PCDHGA2: variants seen among roughly 807,000 people sequenced by gnomAD.
The protein encoded by PCDHGA2 is protocadherin gamma subfamily A, 2.
PCDHGA2 carries 40 observed loss-of-function variants against 59.2 expected under a neutral mutation model. That is an observed-to-expected ratio of 0.68 (90% confidence interval 0.52 to 0.88). The LOEUF is 0.88. Among genes scored for constraint, PCDHGA2 ranks in the 40% least tolerant of loss-of-function variants. The probability of loss-of-function intolerance (pLI) is 0.00; values close to 1 mark genes in which losing one functional copy is unlikely to be tolerated. For synonymous variants in PCDHGA2, 560 were observed against 526.0 expected, an observed-to-expected ratio of 1.06 and a Z score of -0.89; for missense variants, 1,226 against 1,204.0, an observed-to-expected ratio of 1.02 and a Z score of -0.27.
chr5:141,365,285 G>T (rs1215849562), intron 1 of PCDHGA2: 2 of 1,613,898 alleles, frequency 1.2e-6, no homozygotes, highest in South Asian at 1.1e-5. Flanking sequence ...CCTCATGGAA[G>T]TGGTAGCTCA....
chr5:141,355,737 C>T, intron 1 of PCDHGA2: 1 of 1,613,966 alleles, frequency 6.2e-7, no homozygotes, highest in Non-Finnish European at 8.5e-7. Flanking sequence ...GTTACTTTTC[C>T]CTGGACGTGC....
In PCDHGA2 at chr5:141,433,032, C is replaced by T. The variant is rs751061646; in HGVS notation, c.2425-61775C>T. The T allele has an allele frequency of 2.5e-6, 4 of 1,614,188 alleles. No homozygotes were observed. Among genetic ancestry groups the T allele is most frequent in the African/African-American group, 2.7e-5 (2 of 75,058 alleles). On this transcript the variant is annotated intron_variant, in intron 1 of 3. Transcript: ENST00000394576. ...CTGCAGACCTATTCCCACGAGGTTTCCCTCACCACGGACTCGCGGAAGAGT... is the reference window on the plus strand; with the variant it reads ...CTGCAGACCTATTCCCACGAGGTTTTCCTCACCACGGACTCGCGGAAGAGT...
rs1303066281 is a variant in PCDHGA2, at chr5:141,511,199, G to A, written c.*26G>A. The A allele has an allele frequency of 1.2e-6, 2 of 1,612,750 alleles. No homozygotes were observed. The highest frequency in any genetic ancestry group is 1.3e-5 in the African/African-American group (1 of 74,896). On this transcript the variant is annotated 3_prime_UTR_variant, in exon 4 of 4. Transcript: ENST00000394576. The stretch of plus-strand genomic sequence containing the variant: ...CATGGAGGCCAGGCCAAGAGCCACA[G>A]GGCGGCCTCTCCCCAACCAGCCCAG...
At position 141,511,373 on chromosome 5, in the gene PCDHGA2, G is replaced by C. The variant is rs1361376059; in HGVS notation, c.*200G>C. 16 of 1,251,214 alleles carry C rather than the reference G, an allele frequency of 1.3e-5. No homozygotes were observed. Among genetic ancestry groups the C allele is most frequent in the Non-Finnish European group, 1.4e-5 (13 of 925,282 alleles). The allele number at this position is 1,251,214 out of a possible 1,614,324, so 77.5% of individuals were successfully genotyped here. A position where few individuals can be genotyped will look rare whatever the true frequency, so the allele number is the denominator to read the frequency against. ...CCCCCAGGGGGTTGAATATGCAAAAGCAGTTCCGCTGGGAACCCCCATCCA... is the reference window on the plus strand; with the variant it reads ...CCCCCAGGGGGTTGAATATGCAAAACCAGTTCCGCTGGGAACCCCCATCCA... On this transcript the variant is annotated 3_prime_UTR_variant, in exon 4 of 4. Transcript: ENST00000394576.
At chr5:141,410,178 C>G in intron 1 of PCDHGA2, 2 of 1,613,890 alleles carry the variant, frequency 1.2e-6, no homozygotes, top group South Asian at 1.1e-5. Flanking sequence ...GCCACCGCCA[C>G]GCTTCATCTG....
intron 1 of PCDHGA2, chr5:141,344,857 C>T: frequency 6.2e-7 from 1 of 1,613,894 alleles, no homozygotes; most frequent in Non-Finnish European, 8.5e-7. Flanking sequence ...GGATTCAATG[C>T]TCAAGTGTCT....
chr5:141,394,132 T>C, intron 1 of PCDHGA2: 1 of 1,613,980 alleles, frequency 6.2e-7, no homozygotes, highest in Non-Finnish European at 8.5e-7. Flanking sequence ...CAAATCGCTC[T>C]GCACGTGGCA....
chr5:141,510,529 A>G (rs2099881539), intron 3 of PCDHGA2, among the ~76,000 whole-genome samples: 2 of 152,242 alleles, frequency 1.3e-5, no homozygotes, highest in Admixed American at 6.5e-5. Flanking sequence ...CCCTGAGAGA[A>G]ATACCAGCGA....
rs1257933448 is a variant in PCDHGA2, at chr5:141,490,285, G to C, written c.2425-4522G>C. 3 of 1,614,106 alleles carry C rather than the reference G, an allele frequency of 1.9e-6. No homozygotes were observed. In the African/African-American group the frequency reaches 4.0e-5, roughly 22 times the overall value. On this transcript the variant is annotated intron_variant, in intron 1 of 3. Coordinates refer to ENST00000394576, the MANE Select transcript of PCDHGA2 (RefSeq NM_018915.4). This position sits in a 1 kb window ranked among gnomAD's most constrained non-coding sequence, Gnocchi z 5.4. ...GGGGGATGTCAATGACAATGCCCCAGAGGTGCTATTGGCCTCTTTGGCCAA... is the reference window on the plus strand; with the variant it reads ...GGGGGATGTCAATGACAATGCCCCACAGGTGCTATTGGCCTCTTTGGCCAA...
At chr5:141,415,853 G>C (rs2154546169) in intron 1 of PCDHGA2, 1 of 1,186,350 alleles carries the variant, frequency 8.4e-7, no homozygotes, top group Admixed American at 4.0e-5. Context: ...GCAGAACCTT[G>C]TAGTTTATAG....
intron 1 of PCDHGA2, chr5:141,415,513 G>A: frequency 6.2e-7 from 1 of 1,614,214 alleles, no homozygotes; most frequent in East Asian, 2.2e-5. Context: ...GCCCAATTAT[G>A]CGGACACGCT....
At position 141,404,170 on chromosome 5, in the gene PCDHGA2, G is replaced by A. The variant is rs73279089; in HGVS notation, c.2424+62775G>A. 22 of 1,612,630 alleles carry A rather than the reference G, an allele frequency of 1.4e-5. No individual in the cohort carries two copies. In the East Asian group the frequency reaches 1.8e-4, roughly 13 times the overall value. On this transcript the variant is annotated intron_variant, in intron 1 of 3. Coordinates refer to ENST00000394576, the MANE Select transcript of PCDHGA2 (RefSeq NM_018915.4). ...AAGAAGATTATTACAGATTGTTGACGGCCCAAATTCTTGACCGAGAAAAAG... is the reference window on the plus strand; with the variant it reads ...AAGAAGATTATTACAGATTGTTGACAGCCCAAATTCTTGACCGAGAAAAAG...
At position 141,372,429 on chromosome 5, in the gene PCDHGA2, C is replaced by T. The variant is rs754379317; in HGVS notation, c.2424+31034C>T. The T allele has an allele frequency of 2.5e-6, 4 of 1,614,042 alleles. No individual in the cohort carries two copies. In the Admixed American group the frequency reaches 6.7e-5, roughly 27 times the overall value. ...GATACAACCTGACCTTAGCGACCGC[C>T]CCACTCCCTCTGACCCTCAGGCGGA... On this transcript the variant is annotated intron_variant, in intron 1 of 3. Transcript: ENST00000394576.
chr5:141,502,577 A>G (rs1260539435), intron 2 of PCDHGA2, among the ~76,000 whole-genome samples: 2 of 152,192 alleles, frequency 1.3e-5, no homozygotes, highest in African/African-American at 4.8e-5. Context: ...TTATAAAAAT[A>G]TATTTTTATA....
intron 1 of PCDHGA2, among the ~76,000 whole-genome samples, chr5:141,353,499 C>T (rs1312979399): frequency 6.6e-6 from 1 of 152,158 alleles, no homozygotes; most frequent in Non-Finnish European, 1.5e-5. Context: ...TGTCTCATCA[C>T]AAGTAGCAAA....
chr5:141,394,202 G>A (rs1285720796), intron 1 of PCDHGA2: 2 of 1,613,832 alleles, frequency 1.2e-6, no homozygotes, highest in Non-Finnish European at 1.7e-6. Context: ...ATATCCTAGA[G>A]AACAACCTGA....
intron 1 of PCDHGA2, chr5:141,392,764 C>G: frequency 6.8e-7 from 1 of 1,480,722 alleles, no homozygotes; most frequent in Non-Finnish European, 9.0e-7. Flanking sequence ...CTAAATAAGA[C>G]CCATTTATGC....
At chr5:141,385,389 C>T in intron 1 of PCDHGA2, 2 of 1,506,522 alleles carry the variant, frequency 1.3e-6, no homozygotes, top group Non-Finnish European at 1.8e-6. Flanking sequence ...TATTATTTTG[C>T]AAAACAAATG....
chr5:141,358,051 G>A (rs1426073021), intron 1 of PCDHGA2, among the ~76,000 whole-genome samples: 5 of 152,130 alleles, frequency 3.3e-5, no homozygotes, highest in Non-Finnish European at 7.3e-5. Context: ...TTAGCTAGGC[G>A]TGGTGGTGTG....
Sources: gnomAD v4.1 joint callset for allele counts (sites outside exome capture counted in the v4.1 genomes callset) on GRCh38, gnomAD v4.1.1 for gene constraint, Gnocchi (gnomAD v3.1) non-coding constraint, MANE v1.5 for transcripts, NCBI Gene and HGNC (gene_info 2026-07-23, HGNC 2026-07-21) for gene names.